The following PTPRD variants were observed in gnomAD, a reference collection of about 807,000 sequenced individuals.
PTPRD encodes receptor-type tyrosine-protein phosphatase delta.
In PTPRD, 34 loss-of-function variants were observed where a neutral mutation model predicts 214.5. That is an observed-to-expected ratio of 0.16 (90% CI 0.12 to 0.21). The LOEUF (loss-of-function observed/expected upper bound fraction) is 0.21. PTPRD is among the 10% of genes least tolerant of loss of function. The pLI is 1.00. For missense variants in PTPRD, 2,545 were observed against 2,398.7 expected (o/e 1.06, Z -1.27); for synonymous variants, 1,128 against 845.7 (o/e 1.33, Z -5.79).
chr9:9,263,259 AT>A (rs2099980921), intron 9 of PTPRD, among the ~76,000 whole-genome samples: 1 of 151,514 alleles, frequency 6.6e-6, no homozygotes, highest in African/African-American at 2.4e-5. Context: ...AGTACATATC[AT>A]TTTTTGTCTT....
chr9:9,397,933 T>A (rs1320540448), intron 8 of PTPRD, among the ~76,000 whole-genome samples: 1 of 151,928 alleles, frequency 6.6e-6, no homozygotes, highest in Non-Finnish European at 1.5e-5. Flanking sequence ...CAAACTAAAG[T>A]GTTTAGCATA....
intron 31 of PTPRD, among the ~76,000 whole-genome samples, chr9:8,466,090 T>C (rs964865656): frequency 6.6e-6 from 1 of 151,994 alleles, no homozygotes; most frequent in Non-Finnish European, 1.5e-5. Flanking sequence ...TCTTTAAATA[T>C]AGCCACATTT....
chr9:8,853,752 C>A (rs750546093), intron 11 of PTPRD, among the ~76,000 whole-genome samples: 5 of 152,134 alleles, frequency 3.3e-5, no homozygotes, highest in Non-Finnish European at 7.4e-5. Flanking sequence ...TCTTTCTTGG[C>A]AAATCACTGA....
intron 2 of PTPRD, among the ~76,000 whole-genome samples, chr9:10,392,833 G>A (rs2098095476): frequency 1.3e-5 from 2 of 151,822 alleles, no homozygotes. Context: ...GTGCTATTTT[G>A]GAAGTACAGA....
chr9:9,943,813 C>G (rs2092085210), intron 4 of PTPRD, among the ~76,000 whole-genome samples: 1 of 152,056 alleles, frequency 6.6e-6, no homozygotes, highest in East Asian at 1.9e-4. Context: ...AATCCTTTTT[C>G]AGGATTAAAG....
intron 7 of PTPRD, among the ~76,000 whole-genome samples, chr9:9,628,437 C>G (rs1234494948): frequency 6.6e-6 from 1 of 152,062 alleles, no homozygotes; most frequent in East Asian, 1.9e-4. Context: ...TTTCAGAATC[C>G]ATTCTGATGA....
At chr9:10,323,295 C>T (rs1356906991) in intron 3 of PTPRD, among the ~76,000 whole-genome samples, 1 of 104,698 alleles carries the variant, frequency 9.6e-6, no homozygotes, top group Non-Finnish European at 1.9e-5. Flanking sequence ...CTCCCCTCCC[C>T]TCCCCTCCCA....
chr9:9,685,854 A>G (rs527581812), intron 7 of PTPRD, among the ~76,000 whole-genome samples: 2 of 151,476 alleles, frequency 1.3e-5, no homozygotes, highest in African/African-American at 4.8e-5. Context: ...ATTATATACC[A>G]GTAACTTTGA....
At chr9:8,533,408 T>C (rs1470944575) in intron 14 of PTPRD, among the ~76,000 whole-genome samples, 1 of 152,016 alleles carries the variant, frequency 6.6e-6, no homozygotes, top group African/African-American at 2.4e-5. Flanking sequence ...ACAAATATGT[T>C]TATAAAGAAA....
At chr9:10,276,333 C>T (rs962110038) in intron 3 of PTPRD, among the ~76,000 whole-genome samples, 4 of 152,126 alleles carry the variant, frequency 2.6e-5, no homozygotes, top group African/African-American at 7.2e-5. Flanking sequence ...TTCTTTGATG[C>T]CCCTATTATT....
intron 14 of PTPRD, among the ~76,000 whole-genome samples, chr9:8,624,574 A>G (rs773095068): frequency 1.2e-4 from 18 of 151,852 alleles, no homozygotes; most frequent in Non-Finnish European, 2.4e-4. Flanking sequence ...AAGGAAGGAA[A>G]TTAACATTCT....
intron 7 of PTPRD, among the ~76,000 whole-genome samples, chr9:9,658,834 C>G (rs1010149813): frequency 2.0e-5 from 3 of 152,046 alleles, no homozygotes; most frequent in Non-Finnish European, 2.9e-5. Flanking sequence ...CACAACAATT[C>G]TTGGTGCTTG....
intron 3 of PTPRD, among the ~76,000 whole-genome samples, chr9:10,153,265 C>T (rs942553515): frequency 3.3e-5 from 5 of 151,702 alleles, no homozygotes; most frequent in Non-Finnish European, 7.4e-5. Flanking sequence ...TCACATTGTA[C>T]CCCATAAATA....
intron 3 of PTPRD, among the ~76,000 whole-genome samples, chr9:10,192,545 A>G (rs1212931058): frequency 6.6e-6 from 1 of 151,968 alleles, no homozygotes; most frequent in African/African-American, 2.4e-5. Flanking sequence ...AGTGGTTTCA[A>G]TAGGAGGACA....
intron 2 of PTPRD, among the ~76,000 whole-genome samples, chr9:10,351,268 G>C (rs2097178096): frequency 1.3e-5 from 2 of 151,962 alleles, no homozygotes; most frequent in African/African-American, 4.8e-5. Context: ...CCATTTATGT[G>C]GATAATGAGT....
At chr9:10,557,614 A>G (rs898315190) in intron 2 of PTPRD, among the ~76,000 whole-genome samples, 3 of 152,096 alleles carry the variant, frequency 2.0e-5, no homozygotes, top group African/African-American at 7.2e-5. Context: ...AACTTTGAGT[A>G]TATTTCTGTG....
At chr9:9,163,327 C>T (rs1159290048) in intron 10 of PTPRD, among the ~76,000 whole-genome samples, 3 of 152,100 alleles carry the variant, frequency 2.0e-5, no homozygotes, top group African/African-American at 4.8e-5. Context: ...AAGATGCACT[C>T]ATGATCTCCT....
At chr9:8,953,117 G>C (rs2099112302) in intron 11 of PTPRD, among the ~76,000 whole-genome samples, 1 of 151,698 alleles carries the variant, frequency 6.6e-6, no homozygotes, top group Non-Finnish European at 1.5e-5. Flanking sequence ...TGTAGGAGAT[G>C]TGCAGGATGC....
chr9:9,954,877 C>A (rs1439134148), intron 4 of PTPRD, among the ~76,000 whole-genome samples: 2 of 152,102 alleles, frequency 1.3e-5, no homozygotes, highest in Non-Finnish European at 2.9e-5. Flanking sequence ...GGAATGAGAT[C>A]AATTTGCATC....
Sources: allele counts gnomAD v4.1 joint callset (sites outside exome capture counted in the v4.1 genomes callset), GRCh38; gene constraint gnomAD v4.1.1; transcripts MANE v1.5; gene names NCBI Gene and HGNC (gene_info 2026-07-23, HGNC 2026-07-21).